The following ANKRD45 variants were observed in gnomAD, a reference collection of about 807,000 sequenced individuals.
ANKRD45 encodes the protein ankyrin repeat domain 45.
In ANKRD45, 21 loss-of-function variants were observed where a neutral mutation model predicts 28.1. That is an observed-to-expected ratio of 0.75 (90% CI 0.53 to 1.08). The LOEUF (loss-of-function observed/expected upper bound fraction) is 1.08. Among genes scored for constraint, ANKRD45 ranks in the 50% least tolerant of loss-of-function variants. The pLI, the probability that ANKRD45 is intolerant of heterozygous loss-of-function variation, is 0.00. For missense variants in ANKRD45, 261 were observed against 308.7 expected, an observed-to-expected ratio of 0.85 and a Z score of 1.16; for synonymous variants, 86 against 103.9, an observed-to-expected ratio of 0.83 and a Z score of 1.05.
chr1:173,667,580 C>T (rs1466320197), intron 1 of ANKRD45: 2 of 259,880 alleles, frequency 7.7e-6, no homozygotes, highest in Non-Finnish European at 1.5e-5. Context: ...GTGGCAGGCG[C>T]CTGTAGTCCC....
chr1:173,658,977 C>T, intron 2 of ANKRD45, 114 bp downstream of exon 2: 1 of 1,400,014 alleles, frequency 7.1e-7, no homozygotes, highest in Non-Finnish European at 9.5e-7. Flanking sequence ...GATGTATATA[C>T]ACATATATGT....
rs190639588 is a variant in ANKRD45 at position 173,657,208 on chromosome 1, T to A, written c.328+1883A>T. 3.7e-3 allele frequency: 656 copies of A among 175,232 alleles called. 8 individuals are homozygous for A. The highest frequency in any genetic ancestry group is 0.015 in the African/African-American group (620 of 41,738). 10.9% of individuals were successfully genotyped at this position (175,232 alleles called of 1,614,324 possible). A position where few individuals can be genotyped will look rare whatever the true frequency, so the allele number is the denominator to read the frequency against. On this transcript the variant is annotated intron_variant, in intron 2 of 5. Transcript: ENST00000333279. ...TCGGCTGGGCGCGGTGACTCACACC[T>A]ATAATCCCAGCACTTTGGAAGGCCA...
At chr1:173,680,740 T>C in the ANKRD45 span, among the ~76,000 whole-genome samples, 1 of 151,252 alleles carries the variant, frequency 6.6e-6, no homozygotes, top group Admixed American at 6.6e-5. Context: ...ACTAATAGAC[T>C]GGAAAAGAAA....
chr1:173,693,966 T>C, the ANKRD45 span, among the ~76,000 whole-genome samples: 2 of 152,218 alleles, frequency 1.3e-5, no homozygotes, highest in Non-Finnish European at 2.9e-5. Context: ...ATCTATGCCA[T>C]AGGTTGCTGG....
At chr1:173,619,067 CT>C (rs1460718002) in intron 5 of ANKRD45, among the ~76,000 whole-genome samples, 11 of 152,184 alleles carry the variant, frequency 7.2e-5, no homozygotes, top group Non-Finnish European at 1.3e-4. Flanking sequence ...AAATAAGATC[CT>C]TTTCAGACAA....
the ANKRD45 span, among the ~76,000 whole-genome samples, chr1:173,703,856 T>C: frequency 6.6e-6 from 1 of 152,238 alleles, no homozygotes; most frequent in Non-Finnish European, 1.5e-5. Flanking sequence ...AAAGTACTTA[T>C]GTAACAGTGA....
At chr1:173,664,092 C>T (rs997871569) in intron 1 of ANKRD45, among the ~76,000 whole-genome samples, 8 of 152,248 alleles carry the variant, frequency 5.3e-5, no homozygotes, top group East Asian at 3.9e-4. Context: ...TGTGTAAAAA[C>T]ATGAGTCTTG....
At chr1:173,633,629 T>C (rs1436452992) in intron 3 of ANKRD45, among the ~76,000 whole-genome samples, 2 of 152,014 alleles carry the variant, frequency 1.3e-5, no homozygotes, top group African/African-American at 4.8e-5. Flanking sequence ...CAAAACAGCA[T>C]GGGACTGGCC....
At chr1:173,640,480 T>C (rs1179645381) in intron 3 of ANKRD45, among the ~76,000 whole-genome samples, 1 of 152,190 alleles carries the variant, frequency 6.6e-6, no homozygotes, top group Non-Finnish European at 1.5e-5. Context: ...AATCATGGGT[T>C]GCTGTACCAG....
the ANKRD45 span, among the ~76,000 whole-genome samples, chr1:173,702,929 C>T: frequency 1.3e-5 from 2 of 151,906 alleles, no homozygotes; most frequent in African/African-American, 4.8e-5. Context: ...TCTTGCTATG[C>T]TGCCCAGGCT....
the ANKRD45 span, among the ~76,000 whole-genome samples, chr1:173,688,021 T>C: frequency 1.3e-5 from 2 of 150,060 alleles, no homozygotes; most frequent in East Asian, 4.0e-4. Context: ...AATTGCCTCA[T>C]ACTTTCTTCT....
At chr1:173,688,234 T>G in the ANKRD45 span, among the ~76,000 whole-genome samples, 1 of 152,176 alleles carries the variant, frequency 6.6e-6, no homozygotes, top group Non-Finnish European at 1.5e-5. Flanking sequence ...TATGGGTTTT[T>G]AATTTACCCT....
intron 3 of ANKRD45, among the ~76,000 whole-genome samples, chr1:173,644,707 A>T (rs957788262): frequency 1.3e-5 from 2 of 152,042 alleles, no homozygotes; most frequent in African/African-American, 4.8e-5. Context: ...TAAATTATGG[A>T]ATGTGGGCTG....
chr1:173,700,971 T>A, the ANKRD45 span, among the ~76,000 whole-genome samples: 4 of 152,170 alleles, frequency 2.6e-5, no homozygotes, highest in East Asian at 7.7e-4. Context: ...TATACAAATT[T>A]ACAAGAAAAA....
intron 1 of ANKRD45, among the ~76,000 whole-genome samples, chr1:173,665,147 A>C (rs1011834622): frequency 7.2e-5 from 11 of 152,114 alleles, no homozygotes; most frequent in Non-Finnish European, 1.3e-4. Context: ...AATGCTACTT[A>C]TTTTCTTTTT....
chr1:173,674,776 G>GCCCTAAGCAGTTCCCAGCTTGA (rs1264116848), upstream of ANKRD45, among the ~76,000 whole-genome samples: 1 of 152,164 alleles, frequency 6.6e-6, no homozygotes, highest in Non-Finnish European at 1.5e-5. Flanking sequence ...AGGCAGATTT[G>GCCCTAAGCAGTTCCCAGCTTGA]CCCTAAGCAG....
chr1:173,663,863 T>C (rs983311446), intron 1 of ANKRD45, among the ~76,000 whole-genome samples: 1 of 152,236 alleles, frequency 6.6e-6, no homozygotes, highest in African/African-American at 2.4e-5. Flanking sequence ...CAATAGAGTA[T>C]CCACATAATT....
chr1:173,671,391 A>G (rs560476858), upstream of ANKRD45, among the ~76,000 whole-genome samples: 3 of 152,158 alleles, frequency 2.0e-5, no homozygotes, highest in African/African-American at 4.8e-5. Flanking sequence ...TAACTGGTAT[A>G]TGACCTTCTT....
rs185801846 is a variant in ANKRD45 at position 173,616,025 on chromosome 1, C to T, written c.731-5810G>A. Among the ~76,000 whole-genome samples, 1,453 of 152,066 alleles carry T rather than the reference C, an allele frequency of 9.6e-3. 11 individuals are homozygous for T. Among genetic ancestry groups the T allele is most frequent in the South Asian group, 0.021 (103 of 4,810 alleles). ...GGCTGAGCCAGGAGAATGGCATGAA[C>T]CCAGGAGGCGGAGCTTGCAGTAAGC... On this transcript the variant is annotated intron_variant, in intron 5 of 5. Transcript: ENST00000333279.
Sources: allele counts gnomAD v4.1 joint callset (sites outside exome capture counted in the v4.1 genomes callset), GRCh38; gene constraint gnomAD v4.1.1; transcripts MANE v1.5; gene names NCBI Gene and HGNC (gene_info 2026-07-23, HGNC 2026-07-21).